Variants in CNOT1 observed in about 807,000 individuals in gnomAD.
CNOT1 encodes the protein CCR4-NOT transcription complex subunit 1.
In CNOT1, 15 loss-of-function variants were observed where a neutral mutation model predicts 273.8. The ratio of observed to expected loss-of-function variants is 0.05; its 90% CI spans 0.04 to 0.08. CNOT1 has a LOEUF of 0.08. Among genes scored for constraint, CNOT1 ranks in the 10% least tolerant of loss-of-function variants. The pLI is 1.00. For missense variants in CNOT1, 1,644 were observed against 2,912.2 expected, an observed-to-expected ratio of 0.56 and a Z score of 10.02; for synonymous variants, 1,022 against 1,005.5, an observed-to-expected ratio of 1.02 and a Z score of -0.31.
At chr16:58,531,568 T>A (rs1466083498) in intron 42 of CNOT1, among the ~76,000 whole-genome samples, 1 of 152,152 alleles carries the variant, frequency 6.6e-6, no homozygotes, top group Non-Finnish European at 1.5e-5. Flanking sequence ...CAGATATTTA[T>A]GAGGGCACAC....
intron 1 of CNOT1, among the ~76,000 whole-genome samples, chr16:58,601,753 A>AAAAAAAAAAAAAAAAAAC (rs2042474220): frequency 7.3e-6 from 1 of 136,412 alleles, no homozygotes; most frequent in African/African-American, 2.9e-5. Context: ...AAAAAAAAAA[A>AAAAAAAAAAAAAAAAAAC]AGCCTGTGCA....
At chr16:58,554,935 C>CAAAAAAAAAAAAAAAAAAAAA (rs56180546) in intron 21 of CNOT1, among the ~76,000 whole-genome samples, 1 of 78,910 alleles carries the variant, frequency 1.3e-5, no homozygotes, top group African/African-American at 5.0e-5. Flanking sequence ...GACTCCATCT[C>CAAAAAAAAAAAAAAAAAAAAA]AAAAAAAAAA....
intron 16 of CNOT1, among the ~76,000 whole-genome samples, chr16:58,567,480 A>C (rs140130036): frequency 0.017 from 2,240 of 128,786 alleles, 46 homozygotes; most frequent in African/African-American, 0.054. Context: ...AAATAAAAAT[A>C]AATTTAAAAA....
Position 58,546,824 on chromosome 16 carries a change from A to G in CNOT1, c.3751-75T>C. The G allele has an allele frequency of 2.5e-6, 4 of 1,575,312 alleles. No individual in the cohort carries two copies. In the South Asian group the frequency reaches 3.3e-5, roughly 13 times the overall value. On this transcript the variant is annotated intron_variant, in intron 27 of 48. Coordinates refer to ENST00000317147, the MANE Select transcript of CNOT1 (RefSeq NM_016284.5). ...TGGATTATTTAAAACAATTCAATACAACATAAGGGGGTAGGGGGGAGTCAA... is the reference window on the plus strand; with the variant it reads ...TGGATTATTTAAAACAATTCAATACGACATAAGGGGGTAGGGGGGAGTCAA...
chr16:58,553,960 C>A (rs2040540331), intron 21 of CNOT1, 100 bp from the exon 22 acceptor site: 2 of 1,386,616 alleles, frequency 1.4e-6, no homozygotes, highest in African/African-American at 1.5e-5. Flanking sequence ...TTTTTTCCAT[C>A]TTACCTATGA....
At chr16:58,532,433 G>C (rs1371561545) in intron 40 of CNOT1, 38 bp from the exon 41 acceptor site, 9 of 1,598,348 alleles carry the variant, frequency 5.6e-6, no homozygotes, top group Non-Finnish European at 7.7e-6. Context: ...AAATCATTCA[G>C]ATAATCCACT....
chr16:58,570,304 T>A (rs1418566162), intron 16 of CNOT1, among the ~76,000 whole-genome samples: 1 of 152,154 alleles, frequency 6.6e-6, no homozygotes, highest in African/African-American at 2.4e-5. Flanking sequence ...CTGGCAAAGA[T>A]ACACAGGTAA....
chr16:58,521,350 T>TA (rs1205505331), intron 47 of CNOT1, 33 bp from the exon 48 acceptor site: 11 of 1,569,440 alleles, frequency 7.0e-6, no homozygotes, highest in Non-Finnish European at 9.5e-6. Flanking sequence ...AGTTAATGTA[T>TA]AGAAGCATAC....
intron 47 of CNOT1, 110 bp downstream of exon 47, chr16:58,523,252 CAAAAAAAA>C (rs903222270): frequency 9.7e-7 from 1 of 1,028,186 alleles, no homozygotes; most frequent in African/African-American, 1.8e-5. Flanking sequence ...CTCAAAAAAA[CAAAAAAAA>C]AACCAACCAA....
chr16:58,563,734 T>C (rs1449717739), intron 16 of CNOT1, among the ~76,000 whole-genome samples: 1 of 152,214 alleles, frequency 6.6e-6, no homozygotes, highest in Non-Finnish European at 1.5e-5. Flanking sequence ...GCACATACTA[T>C]ATTAGCAAGG....
At chr16:58,597,617 T>C (rs2042310760) in intron 2 of CNOT1, 1 of 410,692 alleles carries the variant, frequency 2.4e-6, no homozygotes, top group South Asian at 2.0e-5. Flanking sequence ...CTTTGATCTG[T>C]AAGCAATCAA....
rs118114688 is a variant in CNOT1, at chr16:58,532,215, G to A, written c.6059+17C>T. On this transcript the variant is annotated intron_variant, in intron 41 of 48. Coordinates refer to ENST00000317147, the MANE Select transcript of CNOT1 (RefSeq NM_016284.5). ...ATCCAGCAAACCTTAACACAAAATC[G>A]CAAACACAATACTCACCAGAAAGCT... 5.6e-3 allele frequency: 8,987 copies of A among 1,609,338 alleles called. 31 individuals carry two copies. The highest frequency in any genetic ancestry group is 6.9e-3 in the Non-Finnish European group (8,124 of 1,176,386).
intron 34 of CNOT1, among the ~76,000 whole-genome samples, chr16:58,541,021 A>G (rs1338674881): frequency 6.6e-6 from 1 of 152,176 alleles, no homozygotes; most frequent in Non-Finnish European, 1.5e-5. Flanking sequence ...TCTAGGCAAC[A>G]TGGCAAAACC....
At chr16:58,568,489 T>A (rs545217706) in intron 16 of CNOT1, among the ~76,000 whole-genome samples, 1 of 151,722 alleles carries the variant, frequency 6.6e-6, no homozygotes, top group Non-Finnish European at 1.5e-5. Flanking sequence ...ATCGAGACCA[T>A]CCTGGCCAAC....
chr16:58,521,075 G>A lies in CNOT1; in HGVS notation c.7053-39C>T, dbSNP rs367773463. The A allele has an allele frequency of 6.2e-6, 10 of 1,613,830 alleles. No individual in the cohort carries two copies. The East Asian group carries it at 6.7e-5, about 11-fold the overall frequency. ...ACAGTTACAAATCTCTGATTAAAGA[G>A]TAGGCCTAACAATACCTTGCATCTC... is the stretch of plus-strand genomic sequence containing the variant. On this transcript the variant is annotated intron_variant, in intron 48 of 48. Coordinates refer to ENST00000317147, the MANE Select transcript of CNOT1 (RefSeq NM_016284.5).
intron 16 of CNOT1, among the ~76,000 whole-genome samples, chr16:58,568,862 A>G (rs1367389811): frequency 1.3e-5 from 2 of 152,218 alleles, no homozygotes; most frequent in Non-Finnish European, 2.9e-5. Context: ...AAAGAACAGA[A>G]TTAGTTCAGG....
intron 1 of CNOT1, among the ~76,000 whole-genome samples, chr16:58,602,600 G>A (rs1422740531): frequency 6.9e-6 from 1 of 143,924 alleles, no homozygotes; most frequent in African/African-American, 2.6e-5. Context: ...TTAGCCAGGT[G>A]TAAATCTGTA....
At chr16:58,556,371 G>A (rs1321432524) in intron 19 of CNOT1, among the ~76,000 whole-genome samples, 1 of 152,146 alleles carries the variant, frequency 6.6e-6, no homozygotes, top group South Asian at 2.1e-4. Context: ...TTTCAACCTC[G>A]TGTCATGACT....
At chr16:58,625,123 C>G (rs1246100403) in intron 1 of CNOT1, among the ~76,000 whole-genome samples, 1 of 152,054 alleles carries the variant, frequency 6.6e-6, no homozygotes, top group Non-Finnish European at 1.5e-5. Context: ...CAGTGGCTCA[C>G]ACCTGTAATC....
Sources: allele counts gnomAD v4.1 joint callset (sites outside exome capture counted in the v4.1 genomes callset), GRCh38; gene constraint gnomAD v4.1.1; transcripts MANE v1.5; gene names NCBI Gene and HGNC (gene_info 2026-07-23, HGNC 2026-07-21).